Variants in ABHD15 observed in about 807,000 individuals in gnomAD.
ABHD15 encodes abhydrolase domain containing 15, also known as protein ABHD15.
Under a neutral mutation model 34.4 loss-of-function variants are expected in ABHD15, and 34 were observed. The observed-to-expected ratio is 0.99, with a 90% CI of 0.75 to 1.32. ABHD15 has a LOEUF of 1.32. Ranked by LOEUF, ABHD15 falls within the 40% of genes most tolerant of loss-of-function variation. ABHD15 has a pLI of 0.00. For synonymous variants in ABHD15, 314 were observed against 299.2 expected (o/e 1.05, Z -0.51); for missense variants, 644 against 650.4 (o/e 0.99, Z 0.11).
rs376765845 is a variant in ABHD15 at position 29,566,220 on chromosome 17, C to T, written c.747G>A (p.Glu249=). 63 of 1,610,748 alleles carry T rather than the reference C, an allele frequency of 3.9e-5. No individual in the cohort carries two copies. The highest frequency in any genetic ancestry group is 5.0e-5 in the Non-Finnish European group (59 of 1,178,896). ...CTGTCACGTAGCTGGAGGAGCCGCA[C>T]TCGCCCAGGTAGGACAGGAGCAGCG... ...GSALLLSYLG[E]CGSSSYVTGA... is the part of the protein sequence containing the mutation. The change falls in exon 1 of 2, where the codon GAG becomes GAA. Residue 249 remains glutamate (E), a synonymous_variant. Coordinates refer to ENST00000307201, the MANE Select transcript of ABHD15 (RefSeq NM_198147.3).
chr17:29,563,089 G>C lies in ABHD15; in HGVS notation c.882-3C>G. 6.3e-7 allele frequency: 1 copy of C among 1,596,258 alleles called. No homozygotes were observed. The highest frequency in any genetic ancestry group is 8.5e-7 in the Non-Finnish European group (1 of 1,174,900). On this transcript the variant is annotated splice_region_variant and splice_polypyrimidine_tract_variant and intron_variant, in intron 1 of 1. Coordinates refer to ENST00000307201, the MANE Select transcript of ABHD15 (RefSeq NM_198147.3). ...TGTCCTCCAGGGCTGTGGCATACCT[G>C]GCAGCGAGGTGTTTAGTGGGGAAGG...
In ABHD15 at chr17:29,566,832, G is replaced by C. The variant is rs2032726878; in HGVS notation, c.135C>G (p.Asp45Glu). The stretch of plus-strand genomic sequence containing the variant: ...CTCCGCCGTCCGCCTCCTCCCCGTC[G>C]TCTCGGTCTTGGGCCCCCGGCAGGG... ...ERTLPGAQDR[D>E]DGEEADGGGP... Residue 45 changes from aspartate (D) to glutamate (E), a missense_variant, in exon 1 of 2, where the codon GAC becomes GAG. Physicochemically the swap from Asp to Glu is conservative, Grantham distance 45. Coordinates refer to ENST00000307201, the MANE Select transcript of ABHD15 (RefSeq NM_198147.3). 10 of 1,517,852 alleles carry C rather than the reference G, an allele frequency of 6.6e-6. No individual in the cohort carries two copies. The highest frequency in any genetic ancestry group is 2.0e-5 in the Admixed American group (1 of 49,628). The allele number at this position is 1,517,852 out of a possible 1,614,324, so 94.0% of individuals were successfully genotyped here.
chr17:29,562,566 T>TTG lies in ABHD15; in HGVS notation c.1400_1401dup (p.Arg468GlnfsTer47), dbSNP rs746445636. The TTG allele has an allele frequency of 1.9e-6, 3 of 1,612,644 alleles. No homozygotes were observed. In the South Asian group the frequency reaches 3.3e-5, roughly 18 times the overall value. On this transcript the variant is annotated frameshift_variant, in exon 2 of 2. Transcript: ENST00000307201. LOFTEE classifies it high-confidence loss of function. ...GGGTTCTCAGGCCAGGTCTTTCACC[T>TTG]TGTGTATGATCGCTTCCAGTTAAAG...
intron 1 of ABHD15, 120 bp from the exon 2 acceptor site, chr17:29,563,206 T>C: frequency 8.3e-7 from 1 of 1,206,428 alleles, no homozygotes; most frequent in Non-Finnish European, 1.1e-6. Context: ...GAGGCTTTCT[T>C]TGGCCATTTA....
chr17:29,566,870 C>A lies in ABHD15; in HGVS notation c.97G>T (p.Val33Phe), dbSNP rs2032728988. 6.6e-7 allele frequency: 1 copy of A among 1,503,942 alleles called. No individual in the cohort carries two copies. The highest frequency in any genetic ancestry group is 8.8e-7 in the Non-Finnish European group (1 of 1,134,960). The allele number at this position is 1,503,942 out of a possible 1,614,324, so 93.2% of individuals were successfully genotyped here. Residue 33 changes from valine (V) to phenylalanine (F), a missense_variant, in exon 1 of 2, where the codon GTC (valine) becomes TTC (phenylalanine). Coordinates refer to ENST00000307201, the MANE Select transcript of ABHD15 (RefSeq NM_198147.3). ...PRLRGPWGRA[V>F]GERTLPGAQD... Reference sequence around the variant, plus strand: ...GCCCCCGGCAGGGTCCTCTCTCCGACGGCGCGCCCCCAGGGTCCCCGGAGC... The same window carrying A: ...GCCCCCGGCAGGGTCCTCTCTCCGAAGGCGCGCCCCCAGGGTCCCCGGAGC...
chr17:29,563,568 AATAAT>A (rs1323396828), intron 1 of ABHD15, among the ~76,000 whole-genome samples: 1 of 151,916 alleles, frequency 6.6e-6, no homozygotes, highest in African/African-American at 2.4e-5. Context: ...AATAATATAA[AATAAT>A]AAAAGTGGCC....
intron 1 of ABHD15, 126 bp downstream of exon 1, chr17:29,565,960 T>C (rs1394186330): frequency 7.8e-7 from 1 of 1,285,036 alleles, no homozygotes; most frequent in African/African-American, 1.5e-5. Flanking sequence ...CTTTGGAAGA[T>C]GTGTTCAGAG....
chr17:29,565,970 G>T lies in ABHD15; in HGVS notation c.881+116C>A. On this transcript the variant is annotated intron_variant, in intron 1 of 1. Transcript: ENST00000307201. ...GAAGGCTTTGGAAGATGTGTTCAGA[G>T]AACTTTGCCCAAACTGGCCCACGCC... The T allele has an allele frequency of 2.9e-6, 4 of 1,380,090 alleles. No homozygotes were observed. The Admixed American group carries it at 7.7e-5, about 27-fold the overall frequency. 85.5% of individuals were successfully genotyped at this position (1,380,090 alleles called of 1,614,324 possible). A position where few individuals can be genotyped will look rare whatever the true frequency, so the allele number is the denominator to read the frequency against.
chr17:29,562,727 G>T lies in ABHD15; in HGVS notation c.1241C>A (p.Ala414Asp), dbSNP rs2032644008. The T allele has an allele frequency of 6.2e-7, 1 of 1,614,154 alleles. No individual in the cohort carries two copies. Among genetic ancestry groups the T allele is most frequent in the Middle Eastern group, 1.6e-4 (1 of 6,062 alleles). Reference sequence around the variant, plus strand: ...CTCCGTTCGGAAGAACTCAGTCAAGGCCCGGAAGGACTCCAAGATGACCTC... The same window carrying T: ...CTCCGTTCGGAAGAACTCAGTCAAGTCCCGGAAGGACTCCAAGATGACCTC... ...SHEVILESFR[A>D]LTEFFRTEER... The change falls in exon 2 of 2, where the codon GCC (alanine) becomes GAC (aspartate). Residue 414 changes from alanine (A) to aspartate (D), a missense_variant. Transcript: ENST00000307201.
intron 1 of ABHD15, among the ~76,000 whole-genome samples, chr17:29,565,502 A>C (rs1022259062): frequency 1.3e-5 from 2 of 152,070 alleles, no homozygotes; most frequent in South Asian, 4.1e-4. Flanking sequence ...TAATTAAAAA[A>C]AGAAATTTTT....
rs2032624963 is a variant in ABHD15 at position 29,561,270 on chromosome 17, T to C, written c.*1291A>G. ...AACTTCAGGGCAAAGTTTTTGAATC[T>C]TAGCAACACATGGAAACATATGTCC... On this transcript the variant is annotated 3_prime_UTR_variant, in exon 2 of 2. Transcript: ENST00000307201. 1 of 152,232 alleles carries C rather than the reference T, an allele frequency of 6.6e-6. No individual in the cohort carries two copies. Among genetic ancestry groups the C allele is most frequent in the Non-Finnish European group, 1.5e-5 (1 of 68,036 alleles). 9.4% of individuals were successfully genotyped at this position (152,232 alleles called of 1,614,324 possible). A position where few individuals can be genotyped will look rare whatever the true frequency, so the allele number is the denominator to read the frequency against.
Position 29,566,733 on chromosome 17 carries a change from G to C in ABHD15, c.234C>G (p.Ala78=), listed in dbSNP as rs773440202. ...GGCSLVCKPS[A]LAQCLLRALR... ...GGGCGCGCAGCAGGCACTGGGCCAG[G>C]GCCGACGGCTTGCAAACAAGGCTGC... Residue 78 remains alanine (A), a synonymous_variant, in exon 1 of 2, where the codon GCC becomes GCG. Coordinates refer to ENST00000307201, the MANE Select transcript of ABHD15 (RefSeq NM_198147.3). 6.4e-6 allele frequency: 10 copies of C among 1,564,158 alleles called. No individual in the cohort carries two copies. In the African/African-American group the frequency reaches 1.1e-4, roughly 17 times the overall value.
chr17:29,564,069 G>T (rs2032669030), intron 1 of ABHD15, among the ~76,000 whole-genome samples: 1 of 152,144 alleles, frequency 6.6e-6, no homozygotes, highest in Admixed American at 6.5e-5. Context: ...TGCCCTAGGG[G>T]CAGCATTTGA....
rs548284467 is a variant in ABHD15 at position 29,560,660 on chromosome 17, CT to C, written c.*1900del. ...GGAGAAGGGAGATAATTTTTCTTTTCTTTTTTTTTTTTGAAACACAGTCTTA... is the reference window on the plus strand; with the variant it reads ...GGAGAAGGGAGATAATTTTTCTTTTCTTTTTTTTTTTGAAACACAGTCTTA... On this transcript the variant is annotated 3_prime_UTR_variant, in exon 2 of 2. Transcript: ENST00000307201. 145 of 145,286 alleles carry C rather than the reference CT, an allele frequency of 1.0e-3. No homozygotes were observed. The highest frequency in any genetic ancestry group is 1.1e-3 in the Admixed American group (16 of 14,578). The allele number at this position is 145,286 out of a possible 1,614,324, so 9.0% of individuals were successfully genotyped here.
rs548284467 is a variant in ABHD15 at position 29,560,660 on chromosome 17, C to CT, written c.*1900dup. 4.9e-3 allele frequency: 718 copies of CT among 145,586 alleles called. 2 individuals carry two copies. The highest frequency in any genetic ancestry group is 6.3e-3 in the Non-Finnish European group (413 of 65,804). The allele number at this position is 145,586 out of a possible 1,614,324, so 9.0% of individuals were successfully genotyped here. A position where few individuals can be genotyped will look rare whatever the true frequency, so the allele number is the denominator to read the frequency against. On this transcript the variant is annotated 3_prime_UTR_variant, in exon 2 of 2. Transcript: ENST00000307201. ...GGAGAAGGGAGATAATTTTTCTTTT[C>CT]TTTTTTTTTTTTGAAACACAGTCTT...
In ABHD15 at chr17:29,562,705, C is replaced by T. The variant is rs142986550; in HGVS notation, c.1263G>A (p.Thr421=). The change falls in exon 2 of 2, where the codon ACG becomes ACA. Residue 421 remains threonine (T), a synonymous_variant. Transcript: ENST00000307201. ...SFRALTEFFR[T]EERIKGLSRH... is the part of the protein sequence containing the mutation. ...TGCTCAGCCCTTTAATCCTCTCCTCCGTTCGGAAGAACTCAGTCAAGGCCC... is the reference window on the plus strand; with the variant it reads ...TGCTCAGCCCTTTAATCCTCTCCTCTGTTCGGAAGAACTCAGTCAAGGCCC... The T allele has an allele frequency of 3.1e-5, 50 of 1,614,066 alleles. No individual in the cohort carries two copies. Among genetic ancestry groups the T allele is most frequent in the African/African-American group, 1.6e-4 (12 of 74,936 alleles).
chr17:29,566,850 C>A lies in ABHD15; in HGVS notation c.117G>T (p.Pro39=), dbSNP rs1467098898. The change falls in exon 1 of 2, where the codon CCG becomes CCT. Residue 39 remains proline (P), a synonymous_variant. Transcript: ENST00000307201. The part of the protein sequence containing the change: ...WGRAVGERTL[P]GAQDRDDGEE... Reference sequence around the variant, plus strand: ...CCCCGTCGTCTCGGTCTTGGGCCCCCGGCAGGGTCCTCTCTCCGACGGCGC... The same window carrying A: ...CCCCGTCGTCTCGGTCTTGGGCCCCAGGCAGGGTCCTCTCTCCGACGGCGC... 80 of 1,511,888 alleles carry A rather than the reference C, an allele frequency of 5.3e-5. No homozygotes were observed. Among genetic ancestry groups the A allele is most frequent in the Non-Finnish European group, 6.8e-5 (77 of 1,138,396 alleles). The allele number at this position is 1,511,888 out of a possible 1,614,324, so 93.7% of individuals were successfully genotyped here. A position where few individuals can be genotyped will look rare whatever the true frequency, so the allele number is the denominator to read the frequency against.
At position 29,563,096 on chromosome 17, in the gene ABHD15, A is replaced by G. The variant is rs1248384006; in HGVS notation, c.882-10T>C. ...CAGGGCTGTGGCATACCTGGCAGCG[A>G]GGTGTTTAGTGGGGAAGGTGGGAAA... On this transcript the variant is annotated splice_polypyrimidine_tract_variant and intron_variant, in intron 1 of 1. Transcript: ENST00000307201. 3 of 1,593,226 alleles carry G rather than the reference A, an allele frequency of 1.9e-6. No homozygotes were observed. The African/African-American group carries it at 4.0e-5, about 21-fold the overall frequency.
rs763774809 is a variant in ABHD15, at chr17:29,566,169, C to T, written c.798G>A (p.Leu266=). ...CGGCCTCGAACCACTCTCGGCAGCG[C>T]AGCACGGGCGAGATGCAGGCGGCGC... The part of the protein sequence containing the change: ...VTGAACISPV[L]RCREWFEAGL... Residue 266 remains leucine (L), a synonymous_variant, in exon 1 of 2, where the codon CTG becomes CTA. Transcript: ENST00000307201. 1 of 1,608,042 alleles carries T rather than the reference C, an allele frequency of 6.2e-7. No homozygotes were observed. Among genetic ancestry groups the T allele is most frequent in the Non-Finnish European group, 8.5e-7 (1 of 1,176,662 alleles).
Sources: allele counts gnomAD v4.1 joint callset (sites outside exome capture counted in the v4.1 genomes callset), GRCh38; gene constraint gnomAD v4.1.1; transcripts MANE v1.5; gene names NCBI Gene and HGNC (gene_info 2026-07-23, HGNC 2026-07-21).